HEMK2: variants seen among roughly 807,000 people sequenced by gnomAD.
HEMK2 encodes the protein HemK methyltransferase 2, ETF1 glutamine and histone H4 lysine.
the HEMK2 span, among the ~76,000 whole-genome samples, chr21:28,599,987 C>T: frequency 0.018 from 2,717 of 152,320 alleles, 108 homozygotes; most frequent in African/African-American, 0.063. Flanking sequence ...GGCAGCTCCA[C>T]CACTGTGGCT....
the HEMK2 span, among the ~76,000 whole-genome samples, chr21:28,659,642 G>A: frequency 6.6e-6 from 1 of 152,082 alleles, no homozygotes; most frequent in South Asian, 2.1e-4. Flanking sequence ...AAGATTTGGG[G>A]TATACTTCTA....
the HEMK2 span, among the ~76,000 whole-genome samples, chr21:28,697,778 C>CAA: frequency 7.8e-4 from 62 of 79,522 alleles, no homozygotes; most frequent in African/African-American, 2.7e-3. Context: ...ATCATGAGCC[C>CAA]AAAAAAAAAA....
At chr21:28,714,468 C>T in the HEMK2 span, among the ~76,000 whole-genome samples, 1 of 151,914 alleles carries the variant, frequency 6.6e-6, no homozygotes, top group Non-Finnish European at 1.5e-5. Context: ...TGAGATGAGG[C>T]TGAATTATAC....
At chr21:28,702,129 T>G in the HEMK2 span, among the ~76,000 whole-genome samples, 1 of 152,298 alleles carries the variant, frequency 6.6e-6, no homozygotes, top group East Asian at 1.9e-4. Flanking sequence ...GCTAGCCATA[T>G]GCAGAAGATT....
At chr21:28,583,416 C>T in the HEMK2 span, among the ~76,000 whole-genome samples, 1 of 152,126 alleles carries the variant, frequency 6.6e-6, no homozygotes, top group Non-Finnish European at 1.5e-5. Flanking sequence ...TCTCTTTATC[C>T]AAAGCATGCA....
the HEMK2 span, among the ~76,000 whole-genome samples, chr21:28,758,754 C>T: frequency 2.0e-5 from 3 of 152,150 alleles, no homozygotes; most frequent in African/African-American, 7.2e-5. Flanking sequence ...CAAACCTCCC[C>T]ATGACAGGTT....
At chr21:28,790,437 T>A in the HEMK2 span, among the ~76,000 whole-genome samples, 3 of 152,094 alleles carry the variant, frequency 2.0e-5, no homozygotes, top group Non-Finnish European at 4.4e-5. Flanking sequence ...CCACAGAGAG[T>A]ACCAAAGTTC....
the HEMK2 span, chr21:28,577,347 C>A: frequency 6.6e-6 from 1 of 152,116 alleles, no homozygotes; most frequent in African/African-American, 2.4e-5. Context: ...TTGTTCATGT[C>A]ATTCTTTTCC....
At chr21:28,789,242 T>C in the HEMK2 span, among the ~76,000 whole-genome samples, 5 of 152,312 alleles carry the variant, frequency 3.3e-5, no homozygotes, top group East Asian at 1.9e-4. Flanking sequence ...ACCTTGGTAA[T>C]AGAAGGCTTT....
the HEMK2 span, among the ~76,000 whole-genome samples, chr21:28,761,822 G>A: frequency 6.6e-6 from 1 of 151,914 alleles, no homozygotes; most frequent in East Asian, 1.9e-4. Flanking sequence ...AAAAGCAGCA[G>A]GATCTTTGAA....
the HEMK2 span, among the ~76,000 whole-genome samples, chr21:28,782,546 A>G: frequency 6.6e-6 from 1 of 152,230 alleles, no homozygotes; most frequent in African/African-American, 2.4e-5. Flanking sequence ...TTCATGTCAT[A>G]AAAGGAGACA....
At chr21:28,737,235 G>A in the HEMK2 span, among the ~76,000 whole-genome samples, 1 of 152,092 alleles carries the variant, frequency 6.6e-6, no homozygotes, top group Non-Finnish European at 1.5e-5. Flanking sequence ...AGCGATTCTT[G>A]GGCCTCGGCC....
the HEMK2 span, among the ~76,000 whole-genome samples, chr21:28,717,420 C>T: frequency 6.7e-5 from 10 of 149,838 alleles, no homozygotes; most frequent in Non-Finnish European, 4.4e-5. Flanking sequence ...TAGAAGTGTT[C>T]ATAATAGTCT....
chr21:28,857,536 A>T, the HEMK2 span, among the ~76,000 whole-genome samples: 3 of 152,084 alleles, frequency 2.0e-5, no homozygotes, highest in Non-Finnish European at 2.9e-5. Context: ...TATTTTCCCA[A>T]ATTTTTTCCT....
chr21:28,878,794 G>A, the HEMK2 span, among the ~76,000 whole-genome samples: 10 of 151,340 alleles, frequency 6.6e-5, no homozygotes, highest in Non-Finnish European at 1.5e-4. Flanking sequence ...GAAGCTAGAA[G>A]GAACAGCTTG....
chr21:28,831,893 A>C, the HEMK2 span, among the ~76,000 whole-genome samples: 2 of 152,190 alleles, frequency 1.3e-5, no homozygotes, highest in African/African-American at 4.8e-5. Context: ...ACAAGACAGA[A>C]AACAAAAAAC....
chr21:28,686,476 TC>T, the HEMK2 span, among the ~76,000 whole-genome samples: 1 of 152,006 alleles, frequency 6.6e-6, no homozygotes, highest in Non-Finnish European at 1.5e-5. Flanking sequence ...CTCGTGATCC[TC>T]CCACCTCAGC....
chr21:28,727,850 C>A, the HEMK2 span, among the ~76,000 whole-genome samples: 4 of 152,156 alleles, frequency 2.6e-5, no homozygotes, highest in Non-Finnish European at 5.9e-5. Context: ...CTGATAAATT[C>A]TTCTGTTCCC....
chr21:28,824,255 T>C, the HEMK2 span, among the ~76,000 whole-genome samples: 30 of 152,184 alleles, frequency 2.0e-4, no homozygotes, highest in Non-Finnish European at 2.9e-5. Flanking sequence ...GTAACTCTAA[T>C]GGGCATCCAA....
Sources: allele counts gnomAD v4.1 joint callset (sites outside exome capture counted in the v4.1 genomes callset), GRCh38; gene constraint gnomAD v4.1.1; transcripts MANE v1.5; gene names NCBI Gene and HGNC (gene_info 2026-07-23, HGNC 2026-07-21).